The following NCKAP5 variants were observed in gnomAD, a reference collection of about 807,000 sequenced individuals.
The protein encoded by NCKAP5 is nck-associated protein 5.
Under a neutral mutation model 167.0 loss-of-function variants are expected in NCKAP5, and 92 were observed. That is an observed-to-expected ratio of 0.55 (90% CI 0.47 to 0.66). The LOEUF is 0.66. Ranked by LOEUF, NCKAP5 falls within the 30% of genes least tolerant of loss-of-function variation. NCKAP5 has a pLI of 0.00. For synonymous variants in NCKAP5, 891 were observed against 877.4 expected (o/e 1.02, Z -0.27); for missense variants, 2,378 against 2,315.0 (o/e 1.03, Z -0.56).
chr2:133,135,689 G>C (rs2082764540), intron 5 of NCKAP5, among the ~76,000 whole-genome samples: 1 of 152,024 alleles, frequency 6.6e-6, no homozygotes, highest in African/African-American at 2.4e-5. Flanking sequence ...TAGAGAAGTG[G>C]TTTTGAACAA....
At chr2:133,498,430 A>AAATG (rs1363711340) in intron 3 of NCKAP5, among the ~76,000 whole-genome samples, 118 of 128,838 alleles carry the variant, frequency 9.2e-4, no homozygotes, top group African/African-American at 3.0e-3. Flanking sequence ...AGAATGAGAA[A>AAATG]AACGGAAGGA....
At chr2:133,194,053 C>T (rs1024778116) in intron 5 of NCKAP5, among the ~76,000 whole-genome samples, 5 of 152,002 alleles carry the variant, frequency 3.3e-5, no homozygotes, top group African/African-American at 7.2e-5. Flanking sequence ...AGTGCATATG[C>T]GTATACATGC....
intron 16 of NCKAP5, among the ~76,000 whole-genome samples, chr2:132,737,167 C>T (rs1691605587): frequency 6.6e-6 from 1 of 152,180 alleles, no homozygotes; most frequent in African/African-American, 2.4e-5. Context: ...CCCAGGACAA[C>T]TGGTCAACTG....
the NCKAP5 span, among the ~76,000 whole-genome samples, chr2:133,608,166 G>A: frequency 6.6e-6 from 1 of 152,122 alleles, no homozygotes; most frequent in Admixed American, 6.5e-5. Context: ...ATAAAATGGT[G>A]CAACTGGAAA....
intron 4 of NCKAP5, 62 bp downstream of exon 4, chr2:133,302,975 G>T: frequency 1.7e-6 from 2 of 1,142,966 alleles, no homozygotes; most frequent in Non-Finnish European, 2.6e-6. Context: ...AAATATTTTA[G>T]ATCAGCAAAG....
At chr2:133,287,213 C>T (rs1193893017) in intron 4 of NCKAP5, among the ~76,000 whole-genome samples, 2 of 152,188 alleles carry the variant, frequency 1.3e-5, no homozygotes, top group Non-Finnish European at 2.9e-5. Flanking sequence ...TTCCTCACAT[C>T]ATTATTAATT....
chr2:132,794,648 TACACACACACACAC>T (rs4057986), intron 12 of NCKAP5, among the ~76,000 whole-genome samples: 3,331 of 142,572 alleles, frequency 0.023, 127 homozygotes, highest in African/African-American at 0.083. Context: ...CAACAACAAA[TACACACACACACAC>T]ACACACACAC....
intron 16 of NCKAP5, among the ~76,000 whole-genome samples, chr2:132,755,854 A>AAATAATAATAAT (rs56967710): frequency 0.12 from 16,590 of 143,604 alleles, 1,413 homozygotes; most frequent in African/African-American, 0.24. Flanking sequence ...CTAAATGGCA[A>AAATAATAATAAT]AATAATAATA....
At chr2:133,348,692 C>T (rs941960842) in intron 3 of NCKAP5, among the ~76,000 whole-genome samples, 1 of 152,120 alleles carries the variant, frequency 6.6e-6, no homozygotes, top group Non-Finnish European at 1.5e-5. Context: ...CTTGACTCCC[C>T]CCTTCTCCAT....
At chr2:133,140,471 T>A (rs2082955915) in intron 5 of NCKAP5, among the ~76,000 whole-genome samples, 1 of 152,236 alleles carries the variant, frequency 6.6e-6, no homozygotes, top group East Asian at 1.9e-4. Context: ...GGTCCCTATG[T>A]TTCTCTCGTT....
chr2:133,233,947 G>A (rs975199465), intron 4 of NCKAP5, among the ~76,000 whole-genome samples: 8 of 152,110 alleles, frequency 5.3e-5, no homozygotes, highest in South Asian at 2.1e-4. Flanking sequence ...GTGGAAACAC[G>A]ATCAAACCAA....
intron 11 of NCKAP5, among the ~76,000 whole-genome samples, chr2:132,858,579 T>C (rs1469820242): frequency 6.6e-6 from 1 of 152,180 alleles, no homozygotes; most frequent in Non-Finnish European, 1.5e-5. Flanking sequence ...CTGTCTTGGA[T>C]TATGAGCTCC....
intron 10 of NCKAP5, among the ~76,000 whole-genome samples, chr2:132,862,289 G>A (rs973093470): frequency 4.6e-5 from 7 of 152,218 alleles, no homozygotes; most frequent in Middle Eastern, 3.2e-3. Context: ...TCTATTAAAG[G>A]GGGCAAAGAA....
chr2:132,847,987 A>T (rs1056085072), intron 11 of NCKAP5, among the ~76,000 whole-genome samples: 6 of 152,208 alleles, frequency 3.9e-5, no homozygotes, highest in African/African-American at 1.4e-4. Flanking sequence ...TATATGTAGA[A>T]TGTGTTTAAT....
At chr2:133,085,858 C>A (rs115868565) in intron 6 of NCKAP5, among the ~76,000 whole-genome samples, 2 of 152,186 alleles carry the variant, frequency 1.3e-5, no homozygotes, top group African/African-American at 4.8e-5. Flanking sequence ...CACTCCCTAC[C>A]CTGGGGACAA....
Position 132,860,490 on chromosome 2 carries a change from A to G in NCKAP5, c.807+2T>C, listed in dbSNP as rs1689804839. 1 of 1,566,796 alleles carries G rather than the reference A, an allele frequency of 6.4e-7. No individual in the cohort carries two copies. The highest frequency in any genetic ancestry group is 8.7e-7 in the Non-Finnish European group (1 of 1,153,790). Reference sequence around the variant, plus strand: ...AAGATTGTTTTCCAGATAAACACATACCTGGAGGAGCAGATCAGAAGTGGG... The same window carrying G: ...AAGATTGTTTTCCAGATAAACACATGCCTGGAGGAGCAGATCAGAAGTGGG... On this transcript the variant is annotated splice_donor_variant, in intron 11 of 19. Transcript: ENST00000409261. LOFTEE classifies it high-confidence loss of function.
chr2:133,067,194 A>G (rs527895799), intron 6 of NCKAP5, among the ~76,000 whole-genome samples: 99 of 152,220 alleles, frequency 6.5e-4, no homozygotes, highest in Non-Finnish European at 7.8e-4. Context: ...GTACTGTTCA[A>G]TAAGGTCTTC....
At chr2:133,426,950 TGCAGTACAATGTTCTG>T (rs1559476536) in intron 3 of NCKAP5, among the ~76,000 whole-genome samples, 1 of 152,192 alleles carries the variant, frequency 6.6e-6, no homozygotes. Flanking sequence ...AGTAGTGTAA[TGCAGTACAATGTTCTG>T]GGATTGGGAG....
intron 6 of NCKAP5, among the ~76,000 whole-genome samples, chr2:133,007,236 T>C (rs1243176555): frequency 1.3e-5 from 2 of 152,212 alleles, no homozygotes; most frequent in Non-Finnish European, 2.9e-5. Flanking sequence ...CAGAGAGATG[T>C]TATGAGGATG....
Sources: allele counts gnomAD v4.1 joint callset (sites outside exome capture counted in the v4.1 genomes callset), GRCh38; gene constraint gnomAD v4.1.1; transcripts MANE v1.5; gene names NCBI Gene and HGNC (gene_info 2026-07-23, HGNC 2026-07-21).